Variants in ARPP21 observed in about 807,000 individuals in gnomAD.
The protein encoded by ARPP21 is cAMP-regulated phosphoprotein 21.
Under a neutral mutation model 113.2 loss-of-function variants are expected in ARPP21, and 69 were observed. That is an observed-to-expected ratio of 0.61 (90% CI 0.50 to 0.74). The LOEUF is 0.74. ARPP21 is among the 30% of genes least tolerant of loss of function. The pLI, the probability that ARPP21 is intolerant of heterozygous loss-of-function variation, is 0.00. For missense variants in ARPP21, 1,070 were observed against 1,037.4 expected, an observed-to-expected ratio of 1.03 and a Z score of -0.43; for synonymous variants, 368 against 375.5, an observed-to-expected ratio of 0.98 and a Z score of 0.23.
intron 3 of ARPP21, chr3:35,682,428 A>C (rs541494593): frequency 1.2e-5 from 2 of 165,486 alleles, no homozygotes; most frequent in Admixed American, 1.3e-4. Flanking sequence ...ACATATCATG[A>C]TTTACAAGGG....
chr3:35,681,222 A>G (rs1213309401), intron 2 of ARPP21: 1 of 151,958 alleles, frequency 6.6e-6, no homozygotes, highest in East Asian at 1.9e-4. Context: ...TACCTTTTCA[A>G]TAGTTTTTTT....
At chr3:35,724,819 C>A (rs1453665883) in intron 14 of ARPP21, among the ~76,000 whole-genome samples, 2 of 152,100 alleles carry the variant, frequency 1.3e-5, no homozygotes, top group East Asian at 1.9e-4. Context: ...ACTAACACAT[C>A]GTGGATATTC....
intron 1 of ARPP21, among the ~76,000 whole-genome samples, chr3:35,654,241 T>G (rs182489802): frequency 1.4e-4 from 21 of 152,194 alleles, no homozygotes; most frequent in African/African-American, 4.8e-4. Flanking sequence ...AAATTGCATT[T>G]TCATTTTTTT....
intron 1 of ARPP21, among the ~76,000 whole-genome samples, chr3:35,670,001 G>C (rs2075923215): frequency 6.6e-6 from 1 of 152,124 alleles, no homozygotes; most frequent in Admixed American, 6.6e-5. Flanking sequence ...CAGATTGACT[G>C]TGACCCTCCA....
At position 35,702,834 on chromosome 3, in the gene ARPP21, T is replaced by G. The variant is rs183353588; in HGVS notation, c.687-4140T>G. Among the ~76,000 whole-genome samples, 308 of 151,946 alleles carry G rather than the reference T, an allele frequency of 2.0e-3. 1 individual carries two copies. Among genetic ancestry groups the G allele is most frequent in the Admixed American group, 4.2e-3 (64 of 15,228 alleles). ...TATTTAAAAAGAAGAACTAAGACTTTCCTATTTTCAATAAAATACATCCAA... is the reference window on the plus strand; with the variant it reads ...TATTTAAAAAGAAGAACTAAGACTTGCCTATTTTCAATAAAATACATCCAA... On this transcript the variant is annotated intron_variant, in intron 9 of 20. Transcript: ENST00000684406.
At chr3:35,767,030 A>G (rs1576811803) in intron 19 of ARPP21, among the ~76,000 whole-genome samples, 1 of 152,178 alleles carries the variant, frequency 6.6e-6, no homozygotes, top group South Asian at 2.1e-4. Context: ...TTACTGCTCC[A>G]GTGTCTCAGT....
At position 35,779,669 on chromosome 3, in the gene ARPP21, T is replaced by G. The variant is rs1483288972; in HGVS notation, c.2138-12713T>G. 3.9e-5 allele frequency among the ~76,000 whole-genome samples: 6 copies of G among 152,294 alleles called. No homozygotes were observed. The East Asian group carries it at 1.2e-3, about 29-fold the overall frequency. ...GAGGAGTAGGTGAGATCCAGTCTCT[T>G]GTTTGCTTTTCTTTTAGGTAAACTG... On this transcript the variant is annotated intron_variant, in intron 19 of 20. Transcript: ENST00000684406.
intron 13 of ARPP21, among the ~76,000 whole-genome samples, chr3:35,720,398 C>A (rs913983830): frequency 6.6e-6 from 1 of 152,162 alleles, no homozygotes; most frequent in Non-Finnish European, 1.5e-5. Flanking sequence ...ACTGTCTGTA[C>A]AATTTTGTCG....
intron 19 of ARPP21, among the ~76,000 whole-genome samples, chr3:35,773,731 T>TGGGGGG (rs1419965285): frequency 1.3e-5 from 2 of 152,156 alleles, no homozygotes; most frequent in East Asian, 3.9e-4. Context: ...CCAAGGGCCC[T>TGGGGGG]CACCTGCTGA....
intron 12 of ARPP21, 76 bp downstream of exon 12, chr3:35,715,552 A>G (rs1342434274): frequency 8.6e-7 from 1 of 1,162,002 alleles, no homozygotes; most frequent in Non-Finnish European, 1.3e-6. Context: ...TCATAAATAT[A>G]TATCCCATAT....
At position 35,696,056 on chromosome 3, in the gene ARPP21, TAC is replaced by T. The variant is rs2083882871; in HGVS notation, c.686+5053_686+5054del. On this transcript the variant is annotated intron_variant, in intron 9 of 20. Coordinates refer to ENST00000684406, the MANE Select transcript of ARPP21 (RefSeq NM_001385562.1). ...GATATTGTCAATGACAGTAGGAGGCTACATAAGATTGAATAGAATCTTGAAGG... is the reference window on the plus strand; with the variant it reads ...GATATTGTCAATGACAGTAGGAGGCTATAAGATTGAATAGAATCTTGAAGG... Among the ~76,000 whole-genome samples, 4 of 151,596 alleles carry T rather than the reference TAC, an allele frequency of 2.6e-5. No individual in the cohort carries two copies. In the South Asian group the frequency reaches 8.3e-4, roughly 32 times the overall value.
intron 19 of ARPP21, among the ~76,000 whole-genome samples, chr3:35,776,897 A>C (rs1482873769): frequency 9.9e-5 from 15 of 151,232 alleles, no homozygotes; most frequent in Admixed American, 8.6e-4. Context: ...TTGACCTTCC[A>C]CTCCCTGCTG....
intron 1 of ARPP21, among the ~76,000 whole-genome samples, chr3:35,642,778 C>T (rs1012328402): frequency 1.3e-5 from 2 of 152,076 alleles, no homozygotes; most frequent in African/African-American, 4.8e-5. Flanking sequence ...GAAGCTCTGC[C>T]TTGTGAATTG....
At chr3:35,784,995 CT>C (rs556802116) in intron 19 of ARPP21, 42 of 152,224 alleles carry the variant, frequency 2.8e-4, no homozygotes, top group Admixed American at 2.5e-3. Context: ...GACCCCATGA[CT>C]TTTGACTTCA....
At chr3:35,702,218 T>C (rs1398721198) in intron 9 of ARPP21, among the ~76,000 whole-genome samples, 1 of 151,808 alleles carries the variant, frequency 6.6e-6, no homozygotes, top group African/African-American at 2.4e-5. Flanking sequence ...ATGTTTGTAT[T>C]AATTGCTTTT....
intron 15 of ARPP21, among the ~76,000 whole-genome samples, chr3:35,732,376 C>G (rs1354250020): frequency 1.3e-5 from 2 of 152,232 alleles, no homozygotes; most frequent in African/African-American, 4.8e-5. Flanking sequence ...TCAGACTCAG[C>G]TTTCAACAGG....
At chr3:35,753,392 T>C (rs1236189359) in intron 19 of ARPP21, among the ~76,000 whole-genome samples, 2 of 152,046 alleles carry the variant, frequency 1.3e-5, no homozygotes, top group Non-Finnish European at 2.9e-5. Context: ...AGGTATAATA[T>C]GTTTCAATTT....
At chr3:35,784,025 G>T (rs1043325276) in intron 19 of ARPP21, among the ~76,000 whole-genome samples, 25 of 152,128 alleles carry the variant, frequency 1.6e-4, no homozygotes, top group Non-Finnish European at 3.4e-4. Flanking sequence ...CACAATAGAA[G>T]TAAGTACTCT....
chr3:35,708,996 G>A lies in ARPP21; in HGVS notation c.823G>A (p.Asp275Asn). 6.2e-7 allele frequency: 1 copy of A among 1,613,816 alleles called. No individual in the cohort carries two copies. Among genetic ancestry groups the A allele is most frequent in the Non-Finnish European group, 8.5e-7 (1 of 1,179,792 alleles). Reference protein sequence around the residue: ...QQNRMHPFRDDRRSKSIEERE... With the variant: ...QQNRMHPFRDNRRSKSIEERE... Reference sequence around the variant, plus strand: ...AAACAGAATGCATCCATTTAGAGATGACAGACGAAGTAAATCAATTGAAGA... The same window carrying A: ...AAACAGAATGCATCCATTTAGAGATAACAGACGAAGTAAATCAATTGAAGA... Residue 275 changes from aspartate to asparagine, a missense_variant, in exon 11 of 21, where the codon GAC (aspartate) becomes AAC (asparagine). Coordinates refer to ENST00000684406, the MANE Select transcript of ARPP21 (RefSeq NM_001385562.1).
Sources: allele counts gnomAD v4.1 joint callset (sites outside exome capture counted in the v4.1 genomes callset), GRCh38; gene constraint gnomAD v4.1.1; transcripts MANE v1.5; gene names NCBI Gene and HGNC (gene_info 2026-07-23, HGNC 2026-07-21).